PTPN3: variants seen among roughly 807,000 people sequenced by gnomAD.
The protein encoded by PTPN3 is protein tyrosine phosphatase non-receptor type 3.
In PTPN3, 96 loss-of-function variants were observed where a neutral mutation model predicts 132.7. The observed-to-expected ratio is 0.72, with a 90% confidence interval of 0.61 to 0.86. PTPN3 has a LOEUF of 0.86. PTPN3 is among the 40% of genes least tolerant of loss of function. The probability of loss-of-function intolerance (pLI) is 0.00; values close to 1 mark genes in which losing one functional copy is unlikely to be tolerated. For synonymous variants in PTPN3, 398 were observed against 429.0 expected (o/e 0.93, Z 0.89); for missense variants, 1,125 against 1,159.6 (o/e 0.97, Z 0.43).
the PTPN3 span, among the ~76,000 whole-genome samples, chr9:109,506,074 G>A: frequency 3.9e-5 from 6 of 152,144 alleles, no homozygotes; most frequent in South Asian, 2.1e-4. Context: ...TCTTAAAGGA[G>A]GTGCCCATAG....
At chr9:109,447,067 T>A (rs1326400266) in intron 6 of PTPN3, among the ~76,000 whole-genome samples, 2 of 152,194 alleles carry the variant, frequency 1.3e-5, no homozygotes, top group East Asian at 3.9e-4. Context: ...AGAGACCCTC[T>A]CCTCAGAGAG....
the PTPN3 span, among the ~76,000 whole-genome samples, chr9:109,525,619 G>A: frequency 1.1e-4 from 17 of 152,272 alleles, no homozygotes; most frequent in South Asian, 6.2e-4. Flanking sequence ...GAGAATCTTG[G>A]CCTGCCACTC....
chr9:109,417,266 C>T (rs1373509077), intron 14 of PTPN3, among the ~76,000 whole-genome samples: 1 of 152,240 alleles, frequency 6.6e-6, no homozygotes, highest in African/African-American at 2.4e-5. Flanking sequence ...TAAGATGGCA[C>T]TCAGGCAGCC....
rs1264559895 is a variant in PTPN3 at position 109,379,484 on chromosome 9, C to T, written c.*72G>A. 1 of 1,401,352 alleles carries T rather than the reference C, an allele frequency of 7.1e-7. No individual in the cohort carries two copies. Among genetic ancestry groups the T allele is most frequent in the African/African-American group, 1.4e-5 (1 of 70,268 alleles). The allele number at this position is 1,401,352 out of a possible 1,614,324, so 86.8% of individuals were successfully genotyped here. On this transcript the variant is annotated 3_prime_UTR_variant, in exon 26 of 26. Coordinates refer to ENST00000374541, the MANE Select transcript of PTPN3 (RefSeq NM_002829.4). ...CAGCTACTGGTTCCTCTTGCTGCTT[C>T]CAGAGAGGTCTGTCCTCCTCTTTCA...
chr9:109,415,127 C>CATCG (rs1842396310), intron 14 of PTPN3, among the ~76,000 whole-genome samples: 3 of 145,822 alleles, frequency 2.1e-5, no homozygotes, highest in African/African-American at 7.5e-5. Flanking sequence ...TCCATCCATC[C>CATCG]AAATAGTCAC....
intron 22 of PTPN3, among the ~76,000 whole-genome samples, chr9:109,383,917 C>T (rs928074829): frequency 6.6e-6 from 1 of 151,296 alleles, no homozygotes; most frequent in Admixed American, 6.6e-5. Context: ...CCACCTCCAA[C>T]GGCCCCTCCT....
intron 25 of PTPN3, among the ~76,000 whole-genome samples, chr9:109,381,147 C>T (rs948899983): frequency 5.3e-5 from 8 of 152,180 alleles, no homozygotes; most frequent in African/African-American, 1.7e-4. Context: ...CTTTCCACAC[C>T]GCTTCACTGC....
chr9:109,381,528 C>T (rs1190940886), intron 25 of PTPN3, 124 bp downstream of exon 25: 27 of 1,391,618 alleles, frequency 1.9e-5, no homozygotes, highest in Non-Finnish European at 2.7e-5. Context: ...GCTCTGTGAC[C>T]TTGGGCAAGT....
At chr9:109,458,459 A>T (rs1845673334) in intron 2 of PTPN3, among the ~76,000 whole-genome samples, 1 of 152,208 alleles carries the variant, frequency 6.6e-6, no homozygotes, top group Admixed American at 6.5e-5. Flanking sequence ...ATGAGTCAGA[A>T]ATAGACCGTG....
chr9:109,401,759 T>C (rs369233038), intron 19 of PTPN3, among the ~76,000 whole-genome samples: 13 of 152,288 alleles, frequency 8.5e-5, no homozygotes, highest in African/African-American at 2.4e-4. Flanking sequence ...TGTCTCTTTA[T>C]GCTACGTGAT....
intron 16 of PTPN3, 44 bp from the exon 17 acceptor site, chr9:109,408,421 T>TAAGC (rs1554782999): frequency 3.4e-6 from 4 of 1,191,700 alleles, no homozygotes; most frequent in Non-Finnish European, 3.6e-6. Flanking sequence ...TTTTTTAAGT[T>TAAGC]AAACAAACAA....
At chr9:109,433,744 A>G (rs1843825761) in intron 9 of PTPN3, among the ~76,000 whole-genome samples, 1 of 152,042 alleles carries the variant, frequency 6.6e-6, no homozygotes, top group African/African-American at 2.4e-5. Flanking sequence ...TGTCTCTACA[A>G]AACAATACAA....
At chr9:109,459,073 A>G (rs557212828) in intron 2 of PTPN3, among the ~76,000 whole-genome samples, 1 of 152,204 alleles carries the variant, frequency 6.6e-6, no homozygotes, top group Admixed American at 6.5e-5. Flanking sequence ...TTCCTACTAC[A>G]TCTCCTCCTC....
At chr9:109,420,153 G>A (rs1483188986) in intron 14 of PTPN3, among the ~76,000 whole-genome samples, 1 of 152,168 alleles carries the variant, frequency 6.6e-6, no homozygotes, top group Non-Finnish European at 1.5e-5. Context: ...CTGGAGAGGA[G>A]ACTAATTCAA....
intron 19 of PTPN3, among the ~76,000 whole-genome samples, 185 bp downstream of exon 19, chr9:109,404,263 A>T (rs1214470665): frequency 6.6e-6 from 1 of 152,162 alleles, no homozygotes; most frequent in East Asian, 1.9e-4. Flanking sequence ...TATCCACGAC[A>T]AGCACAGGCC....
At chr9:109,519,790 C>T in the PTPN3 span, among the ~76,000 whole-genome samples, 233 of 152,192 alleles carry the variant, frequency 1.5e-3, 1 homozygote, top group Non-Finnish European at 2.7e-3. Flanking sequence ...ACGCACTTAA[C>T]CCTGACAGCC....
rs769986320 is a variant in PTPN3, at chr9:109,448,767, T to C, written c.413+44A>G. On this transcript the variant is annotated intron_variant, in intron 6 of 25. Transcript: ENST00000374541. ...CACTCATTAGATTAAAACCAGGAAT[T>C]TTGCTAGTCTAACAGGAAAAGAAAA... 16 of 1,533,880 alleles carry C rather than the reference T, an allele frequency of 1.0e-5. No homozygotes were observed. The East Asian group carries it at 2.5e-4, about 24-fold the overall frequency.
At chr9:109,487,903 A>C (rs1847284506) in intron 1 of PTPN3, among the ~76,000 whole-genome samples, 3 of 152,158 alleles carry the variant, frequency 2.0e-5, no homozygotes, top group Admixed American at 2.0e-4. Flanking sequence ...GCCATTGACT[A>C]TGTGCCCTTG....
intron 1 of PTPN3, among the ~76,000 whole-genome samples, chr9:109,464,573 A>C (rs544067795): frequency 5.1e-4 from 77 of 152,352 alleles, no homozygotes; most frequent in Non-Finnish European, 7.9e-4. Context: ...AATTTTTTTT[A>C]AAGTCACGAC....
Sources: allele counts gnomAD v4.1 joint callset (sites outside exome capture counted in the v4.1 genomes callset), GRCh38; gene constraint gnomAD v4.1.1; transcripts MANE v1.5; gene names NCBI Gene and HGNC (gene_info 2026-07-23, HGNC 2026-07-21).